NINL: variants seen among roughly 807,000 people sequenced by gnomAD.
The protein encoded by NINL is ninein-like protein.
A neutral mutation model predicts 160.3 loss-of-function variants in NINL; 153 were observed. The ratio of observed to expected loss-of-function variants is 0.95; its 90% CI spans 0.84 to 1.09. The LOEUF is 1.09. Ranked by LOEUF, NINL falls within the 50% of genes least tolerant of loss-of-function variation. The pLI, the probability that NINL is intolerant of heterozygous loss-of-function variation, is 0.00. For synonymous variants in NINL, 800 were observed against 734.8 expected (o/e 1.09, Z -1.43); for missense variants, 1,829 against 1,764.0 (o/e 1.04, Z -0.66).
At chr20:25,528,604 C>T (rs1415392942) in intron 1 of NINL, among the ~76,000 whole-genome samples, 1 of 152,050 alleles carries the variant, frequency 6.6e-6, no homozygotes, top group Non-Finnish European at 1.5e-5. Context: ...ATTTTTATAT[C>T]TCTCAAAAAT....
At chr20:25,539,627 A>G (rs1486013708) in intron 1 of NINL, among the ~76,000 whole-genome samples, 2 of 152,092 alleles carry the variant, frequency 1.3e-5, no homozygotes, top group African/African-American at 4.8e-5. Context: ...CTCAAACCCT[A>G]TTTCCAGAGG....
intron 16 of NINL, among the ~76,000 whole-genome samples, chr20:25,477,954 CT>C (rs529205813): frequency 0.022 from 3,038 of 138,658 alleles, 81 homozygotes; most frequent in African/African-American, 0.067. Context: ...ACGAGTCTCA[CT>C]TTTTTTTTTT....
intron 1 of NINL, among the ~76,000 whole-genome samples, chr20:25,581,048 GT>G (rs1295638409): frequency 6.6e-6 from 1 of 152,244 alleles, no homozygotes; most frequent in Non-Finnish European, 1.5e-5. Context: ...CAGTTCAGGT[GT>G]GAGGCCAAGA....
intron 17 of NINL, among the ~76,000 whole-genome samples, chr20:25,470,495 T>C (rs2063069148): frequency 6.6e-6 from 1 of 152,208 alleles, no homozygotes; most frequent in African/African-American, 2.4e-5. Context: ...GAACTCAGTG[T>C]GGAGCTAAGA....
chr20:25,530,995 G>A (rs954910661), intron 1 of NINL, among the ~76,000 whole-genome samples: 42 of 152,000 alleles, frequency 2.8e-4, no homozygotes, highest in East Asian at 1.9e-4. Context: ...GGAGCGCTAC[G>A]GGAGACTGGA....
chr20:25,556,898 G>T (rs749637409), intron 1 of NINL, among the ~76,000 whole-genome samples: 1 of 152,042 alleles, frequency 6.6e-6, no homozygotes, highest in Admixed American at 6.6e-5. Flanking sequence ...AACTACTAAG[G>T]GCAGATACCT....
At chr20:25,522,334 G>C (rs2146940390) in intron 2 of NINL, among the ~76,000 whole-genome samples, 1 of 152,262 alleles carries the variant, frequency 6.6e-6, no homozygotes, top group East Asian at 1.9e-4. Flanking sequence ...GCCTGAGTTA[G>C]CTCACTTGCC....
intron 23 of NINL, among the ~76,000 whole-genome samples, chr20:25,454,707 CCCCACACCCGTGGGGTCCA>C (rs1326598608): frequency 6.6e-6 from 1 of 152,134 alleles, no homozygotes; most frequent in Non-Finnish European, 1.5e-5. Flanking sequence ...TGTGTGTGCA[CCCCACACCCGTGGGGTCCA>C]CCCACACCCT....
chr20:25,477,658 G>T (rs888504574), intron 16 of NINL, among the ~76,000 whole-genome samples: 1 of 152,204 alleles, frequency 6.6e-6, no homozygotes, highest in Non-Finnish European at 1.5e-5. Flanking sequence ...GCAAGGAAGT[G>T]GTTGGAGGGC....
intron 23 of NINL, among the ~76,000 whole-genome samples, chr20:25,454,936 A>T (rs1216582080): frequency 6.6e-6 from 1 of 152,064 alleles, no homozygotes; most frequent in Non-Finnish European, 1.5e-5. Context: ...AAATCTCCCT[A>T]TGCCTTCTAA....
chr20:25,469,221 CG>C, intron 18 of NINL, among the ~76,000 whole-genome samples: 1 of 110,648 alleles, frequency 9.0e-6, no homozygotes, highest in Non-Finnish European at 2.0e-5. Context: ...GGTGGGCGCC[CG>C]CCTGCCCTGT....
chr20:25,464,344 G>C (rs2062859887), intron 19 of NINL, among the ~76,000 whole-genome samples: 1 of 152,198 alleles, frequency 6.6e-6, no homozygotes, highest in Admixed American at 6.5e-5. Context: ...TTGAACCCGG[G>C]AGGCAGAGGT....
At chr20:25,537,976 C>T (rs569875346) in intron 1 of NINL, among the ~76,000 whole-genome samples, 1 of 152,326 alleles carries the variant, frequency 6.6e-6, no homozygotes, top group East Asian at 1.9e-4. Flanking sequence ...CCTCTACCCA[C>T]CCCAGCGGTA....
chr20:25,503,846 A>G (rs996578871), intron 7 of NINL, 106 bp downstream of exon 7: 1 of 1,373,848 alleles, frequency 7.3e-7, no homozygotes, highest in African/African-American at 1.4e-5. Flanking sequence ...CAGTTCTTGG[A>G]CAGCTTGTTG....
rs1364034084 is a variant in NINL, at chr20:25,585,522, C to G, written c.-79G>C. 3 of 152,228 alleles carry G rather than the reference C, an allele frequency of 2.0e-5. No individual in the cohort carries two copies. The highest frequency in any genetic ancestry group is 6.5e-5 in the Admixed American group (1 of 15,284). The allele number at this position is 152,228 out of a possible 1,614,324, so 9.4% of individuals were successfully genotyped here. On this transcript the variant is annotated 5_prime_UTR_variant, in exon 1 of 24. Transcript: ENST00000278886. ...GCGGCACCACCCCCGTACCGCCGGC[C>G]GCTCTTTGTGTCTGGAGGCCGCGAC...
chr20:25,547,595 G>A (rs1662057794), intron 1 of NINL, among the ~76,000 whole-genome samples: 1 of 152,212 alleles, frequency 6.6e-6, no homozygotes, highest in South Asian at 2.1e-4. Context: ...AGGGGCCTCT[G>A]AAGAGAATTG....
intron 1 of NINL, among the ~76,000 whole-genome samples, chr20:25,542,771 C>T (rs1229092484): frequency 4.1e-5 from 5 of 122,978 alleles, no homozygotes. Flanking sequence ...TGGCTCATGC[C>T]TATAATCCCA....
At chr20:25,551,365 C>T (rs956678091) in intron 1 of NINL, among the ~76,000 whole-genome samples, 33 of 151,148 alleles carry the variant, frequency 2.2e-4, no homozygotes, top group African/African-American at 7.8e-4. Context: ...GGCGAGACTC[C>T]GTCTCAAATA....
At chr20:25,580,515 G>A (rs753911775) in intron 1 of NINL, among the ~76,000 whole-genome samples, 1 of 152,086 alleles carries the variant, frequency 6.6e-6, no homozygotes, top group Non-Finnish European at 1.5e-5. Flanking sequence ...CAGTCTTGAG[G>A]GAAACGGGTC....
Sources: allele counts gnomAD v4.1 joint callset (sites outside exome capture counted in the v4.1 genomes callset), GRCh38; gene constraint gnomAD v4.1.1; transcripts MANE v1.5; gene names NCBI Gene and HGNC (gene_info 2026-07-23, HGNC 2026-07-21).